Variants in CSMD1 observed in about 807,000 individuals in gnomAD.
The protein encoded by CSMD1 is CUB and Sushi multiple domains 1.
A neutral mutation model predicts 417.5 loss-of-function variants in CSMD1; 213 were observed. The observed-to-expected ratio is 0.51, with a 90% CI of 0.46 to 0.57. CSMD1 has a LOEUF of 0.57. Ranked by LOEUF, CSMD1 falls within the 20% of genes least tolerant of loss-of-function variation. The pLI, the probability that CSMD1 is intolerant of heterozygous loss-of-function variation, is 0.00. For missense variants in CSMD1, 6,923 were observed against 4,529.7 expected (o/e 1.53, Z -15.17); for synonymous variants, 2,862 against 1,736.8 (o/e 1.65, Z -16.11).
At chr8:4,276,004 T>C (rs564786006) in intron 3 of CSMD1, among the ~76,000 whole-genome samples, 10 of 152,282 alleles carry the variant, frequency 6.6e-5, no homozygotes, top group African/African-American at 2.4e-4. Flanking sequence ...GAAATAGGAA[T>C]GCTTTTACAA....
intron 3 of CSMD1, among the ~76,000 whole-genome samples, chr8:4,413,859 G>T (rs1042739319): frequency 7.2e-5 from 11 of 152,306 alleles, no homozygotes; most frequent in East Asian, 1.9e-4. Context: ...AGGAAGGAAT[G>T]TGTTTACAGG....
intron 3 of CSMD1, among the ~76,000 whole-genome samples, chr8:4,239,021 A>T (rs546700288): frequency 4.9e-4 from 74 of 152,262 alleles, no homozygotes; most frequent in Non-Finnish European, 9.8e-4. Flanking sequence ...TTAGGTTCGA[A>T]AATCTGCTTT....
intron 1 of CSMD1, among the ~76,000 whole-genome samples, chr8:4,718,609 G>A (rs1009042850): frequency 6.6e-6 from 1 of 151,932 alleles, no homozygotes; most frequent in South Asian, 2.1e-4. Context: ...TAGTACGATT[G>A]AATTTTGATA....
intron 1 of CSMD1, among the ~76,000 whole-genome samples, chr8:4,747,101 G>A (rs1423056319): frequency 1.3e-5 from 2 of 152,176 alleles, no homozygotes; most frequent in African/African-American, 2.4e-5. Context: ...ACACAGGAAT[G>A]GCAGGTGCTT....
chr8:4,710,621 G>A (rs912766789), intron 1 of CSMD1, among the ~76,000 whole-genome samples: 2 of 151,264 alleles, frequency 1.3e-5, no homozygotes, highest in Admixed American at 1.3e-4. Flanking sequence ...TCAGATGGGT[G>A]GATCACAAGC....
chr8:4,748,807 T>C lies in CSMD1; in HGVS notation c.86-111249A>G, dbSNP rs541485435. On this transcript the variant is annotated intron_variant, in intron 1 of 69. Coordinates refer to ENST00000635120, the MANE Select transcript of CSMD1 (RefSeq NM_033225.6). ...ATTTAGTAGCGTGTTAGCATCACCATTGTGAACATATGCCCCTTCGGGAGA... is the reference window on the plus strand; with the variant it reads ...ATTTAGTAGCGTGTTAGCATCACCACTGTGAACATATGCCCCTTCGGGAGA... Among the ~76,000 whole-genome samples, 29 of 152,352 alleles carry C rather than the reference T, an allele frequency of 1.9e-4. No homozygotes were observed. In the South Asian group the frequency reaches 4.6e-3, roughly 24 times the overall value.
At chr8:4,174,114 G>C (rs1409917831) in intron 3 of CSMD1, among the ~76,000 whole-genome samples, 2 of 152,116 alleles carry the variant, frequency 1.3e-5, no homozygotes, top group Non-Finnish European at 2.9e-5. Flanking sequence ...GTGGAGGGTA[G>C]GGCAAGCCTG....
chr8:3,385,782 A>AACT (rs1430560652), intron 18 of CSMD1, among the ~76,000 whole-genome samples: 3 of 152,154 alleles, frequency 2.0e-5, no homozygotes, highest in African/African-American at 7.2e-5. Flanking sequence ...ACTTAGGCAT[A>AACT]ACTACTGTTC....
chr8:2,994,772 G>C (rs897430116), intron 54 of CSMD1, among the ~76,000 whole-genome samples: 1 of 151,382 alleles, frequency 6.6e-6, no homozygotes, highest in Non-Finnish European at 1.5e-5. Flanking sequence ...TTTTATTTTG[G>C]GTTAGAAACA....
intron 3 of CSMD1, among the ~76,000 whole-genome samples, chr8:4,285,275 G>A (rs187941033): frequency 3.3e-5 from 5 of 152,038 alleles, no homozygotes; most frequent in African/African-American, 9.7e-5. Context: ...ATGCCATTTC[G>A]TTCTTGCTTA....
chr8:4,679,886 T>C (rs1025482841), intron 1 of CSMD1, among the ~76,000 whole-genome samples: 2 of 152,156 alleles, frequency 1.3e-5, no homozygotes, highest in Non-Finnish European at 2.9e-5. Flanking sequence ...GCAATAGAAA[T>C]GCTCATTTAA....
At chr8:4,408,788 C>T (rs1449700722) in intron 3 of CSMD1, among the ~76,000 whole-genome samples, 1 of 152,034 alleles carries the variant, frequency 6.6e-6, no homozygotes, top group Non-Finnish European at 1.5e-5. Flanking sequence ...TTTTCTGGCT[C>T]CATTTAAAGA....
chr8:4,221,932 G>C (rs776473147), intron 3 of CSMD1, among the ~76,000 whole-genome samples: 5 of 152,120 alleles, frequency 3.3e-5, no homozygotes, highest in Non-Finnish European at 7.4e-5. Context: ...CTAAGGCAAG[G>C]AACCAGTAAC....
intron 5 of CSMD1, among the ~76,000 whole-genome samples, chr8:3,929,611 G>C (rs919637877): frequency 3.3e-5 from 5 of 150,420 alleles, no homozygotes; most frequent in East Asian, 1.9e-4. Context: ...GCATTATTTT[G>C]TCTTTAAAAG....
intron 2 of CSMD1, among the ~76,000 whole-genome samples, chr8:4,462,533 T>G (rs909644770): frequency 3.3e-5 from 5 of 152,126 alleles, no homozygotes; most frequent in Middle Eastern, 3.2e-3. Flanking sequence ...CTTAGAATAC[T>G]CAAAACAATC....
At chr8:4,222,775 C>A (rs140560893) in intron 3 of CSMD1, among the ~76,000 whole-genome samples, 1 of 151,994 alleles carries the variant, frequency 6.6e-6, no homozygotes, top group South Asian at 2.1e-4. Context: ...TTTAGCTCAC[C>A]GAGTCATCAT....
chr8:4,932,738 G>C (rs7841154), intron 1 of CSMD1, among the ~76,000 whole-genome samples: 47,340 of 151,950 alleles, frequency 0.31, 8,292 homozygotes, highest in Middle Eastern at 0.41. Flanking sequence ...CCTTAAGTAC[G>C]ATCCTTAAAA....
chr8:3,019,155 T>C (rs1809135464), intron 51 of CSMD1, among the ~76,000 whole-genome samples: 1 of 152,194 alleles, frequency 6.6e-6, no homozygotes, highest in Non-Finnish European at 1.5e-5. Flanking sequence ...TGACCTCAAG[T>C]GATCCTCCCA....
chr8:3,954,223 C>T (rs1419279131), intron 5 of CSMD1, among the ~76,000 whole-genome samples: 1 of 152,124 alleles, frequency 6.6e-6, no homozygotes, highest in Non-Finnish European at 1.5e-5. Context: ...GAAAAAGAGA[C>T]CCAGGCAAGT....
Sources: gnomAD v4.1 joint callset for allele counts (sites outside exome capture counted in the v4.1 genomes callset) on GRCh38, gnomAD v4.1.1 for gene constraint, MANE v1.5 for transcripts, NCBI Gene and HGNC (gene_info 2026-07-23, HGNC 2026-07-21) for gene names.